RGMA: variants seen among roughly 807,000 people sequenced by gnomAD.
RGMA encodes the protein repulsive guidance molecule A.
Under a neutral mutation model 23.2 loss-of-function variants are expected in RGMA, and 10 were observed. The observed-to-expected ratio is 0.43, with a 90% CI of 0.27 to 0.73. The LOEUF (loss-of-function observed/expected upper bound fraction) is 0.73. RGMA is among the 30% of genes least tolerant of loss of function. The pLI, the probability that RGMA is intolerant of heterozygous loss-of-function variation, is 0.20. For missense variants in RGMA, 547 were observed against 630.5 expected (o/e 0.87, Z 1.42); for synonymous variants, 308 against 279.3 (o/e 1.10, Z -1.03).
chr15:93,079,714 G>A (rs1307757889), intron 1 of RGMA, among the ~76,000 whole-genome samples: 3 of 152,118 alleles, frequency 2.0e-5, no homozygotes, highest in Admixed American at 1.3e-4. Flanking sequence ...CAGCTACTTC[G>A]GAGGCTGAGG....
intron 2 of RGMA, among the ~76,000 whole-genome samples, chr15:93,060,540 G>A (rs949563472): frequency 1.5e-4 from 23 of 152,340 alleles, no homozygotes; most frequent in Admixed American, 3.9e-4. Context: ...CAGACCCGAT[G>A]GGGGCGGGGT....
chr15:93,073,352 A>G (rs2141841903), intron 1 of RGMA, among the ~76,000 whole-genome samples: 1 of 151,994 alleles, frequency 6.6e-6, no homozygotes, highest in South Asian at 2.1e-4. Flanking sequence ...GCTCGCCGTG[A>G]GGACCTCGGA....
Position 93,080,026 on chromosome 15 carries a change from G to C in RGMA, c.15-6995C>G, listed in dbSNP as rs1166673542. 2.0e-5 allele frequency among the ~76,000 whole-genome samples: 3 copies of C among 152,068 alleles called. No individual in the cohort carries two copies. In the East Asian group the frequency reaches 5.8e-4, roughly 29 times the overall value. ...TTTGATGCTCCTTCCCTCACCACCAGAGACTCTTATTCTTGGTAATTAAGA... is the reference window on the plus strand; with the variant it reads ...TTTGATGCTCCTTCCCTCACCACCACAGACTCTTATTCTTGGTAATTAAGA... On this transcript the variant is annotated intron_variant, in intron 1 of 3. Coordinates refer to ENST00000329082, the MANE Select transcript of RGMA (RefSeq NM_020211.3).
chr15:93,055,501 C>G (rs992141956), intron 2 of RGMA, among the ~76,000 whole-genome samples: 6 of 152,226 alleles, frequency 3.9e-5, no homozygotes, highest in African/African-American at 1.4e-4. Flanking sequence ...ACTTCTTGCC[C>G]AAGTCTCACT....
At chr15:93,070,848 G>C (rs989957316) in intron 2 of RGMA, among the ~76,000 whole-genome samples, 1 of 152,224 alleles carries the variant, frequency 6.6e-6, no homozygotes, top group African/African-American at 2.4e-5. Flanking sequence ...CAAAAGTGAT[G>C]GAATTTGGGC....
chr15:93,084,471 T>A (rs764290595), intron 1 of RGMA, among the ~76,000 whole-genome samples: 1 of 151,952 alleles, frequency 6.6e-6, no homozygotes, highest in Non-Finnish European at 1.5e-5. Context: ...TTTTTGTTTT[T>A]TTGTTTTTTG....
At chr15:93,047,947 G>C (rs1239150872) in intron 3 of RGMA, among the ~76,000 whole-genome samples, 1 of 152,204 alleles carries the variant, frequency 6.6e-6, no homozygotes, top group African/African-American at 2.4e-5. Flanking sequence ...TCGCAGGAAG[G>C]TGGAAGGTGG....
intron 1 of RGMA, among the ~76,000 whole-genome samples, chr15:93,084,637 C>G (rs759734778): frequency 6.6e-6 from 1 of 152,030 alleles, no homozygotes; most frequent in Non-Finnish European, 1.5e-5. Context: ...CACACCCGGC[C>G]AGTTTTTACA....
rs766334379 is a variant in RGMA at position 93,045,391 on chromosome 15, G to A, written c.960C>T (p.Pro320=). ...QGLYLCLRGC[P]LNQQIDFQAF... is the part of the protein sequence containing the mutation. ...CCTGGAAGTCGATCTGCTGGTTGAG[G>A]GGGCAGCCCCGCAGGCAGAGGTAGA... Residue 320 remains proline, a synonymous_variant, in exon 4 of 4, where the codon CCC becomes CCT. Transcript: ENST00000329082. The surrounding 1 kb of genome is among the most constrained non-coding windows in gnomAD (Gnocchi z 6.9). 6 of 1,613,070 alleles carry A rather than the reference G, an allele frequency of 3.7e-6. No individual in the cohort carries two copies. Among genetic ancestry groups the A allele is most frequent in the Non-Finnish European group, 5.1e-6 (6 of 1,179,850 alleles).
chr15:93,080,976 A>C (rs953987538), intron 1 of RGMA, among the ~76,000 whole-genome samples: 1 of 152,138 alleles, frequency 6.6e-6, no homozygotes, highest in African/African-American at 2.4e-5. Flanking sequence ...CAAGTTTGCA[A>C]ATTCTTCTGC....
intron 2 of RGMA, among the ~76,000 whole-genome samples, chr15:93,069,172 C>T (rs529972275): frequency 3.9e-5 from 6 of 152,214 alleles, no homozygotes; most frequent in Admixed American, 1.3e-4. Flanking sequence ...TACAGTGGTG[C>T]GATCTCAGCT....
intron 1 of RGMA, 41 bp from the exon 2 acceptor site, chr15:93,073,072 G>C: frequency 6.6e-7 from 1 of 1,511,710 alleles, no homozygotes; most frequent in Non-Finnish European, 8.9e-7. Context: ...AATAAATCAC[G>C]CTGCGAAGAA....
At chr15:93,047,641 C>T (rs1409861774) in intron 3 of RGMA, among the ~76,000 whole-genome samples, 1 of 152,048 alleles carries the variant, frequency 6.6e-6, no homozygotes, top group Non-Finnish European at 1.5e-5. Flanking sequence ...CAGGGGATCC[C>T]ACCCCAACCT....
At position 93,051,995 on chromosome 15, in the gene RGMA, T is replaced by C. The variant is rs1393404264; in HGVS notation, c.643A>G (p.Lys215Glu). 1.3e-6 allele frequency: 2 copies of C among 1,598,754 alleles called. No individual in the cohort carries two copies. The highest frequency in any genetic ancestry group is 1.1e-5 in the South Asian group (1 of 89,182). The stretch of plus-strand genomic sequence containing the variant: ...TACAGCCGCCCCCTCCCCCTTACCT[T>C]GCTGGTGGCAGTGGCCGCTGAGCCG... ...LPGSAATATS[K>E]LTIIFKNFQE... Residue 215 changes from lysine to glutamate, a missense_variant and splice_region_variant, in exon 3 of 4, where the codon AAG becomes GAG. Lys to Glu is a moderately conservative substitution (Grantham distance 56, BLOSUM62 1). Coordinates refer to ENST00000329082, the MANE Select transcript of RGMA (RefSeq NM_020211.3).
chr15:93,066,373 T>A, intron 2 of RGMA: 1 of 719,478 alleles, frequency 1.4e-6, no homozygotes, highest in South Asian at 1.4e-5. Context: ...AGCACCAGCT[T>A]GTTCGCGTGA....
chr15:93,073,651 GA>G, intron 1 of RGMA: 1 of 1,537,234 alleles, frequency 6.5e-7, no homozygotes, highest in Non-Finnish European at 8.7e-7. Context: ...GCAGGAGGCT[GA>G]AAAACCCACT....
At chr15:93,062,532 A>G (rs1003930397) in intron 2 of RGMA, among the ~76,000 whole-genome samples, 4 of 152,166 alleles carry the variant, frequency 2.6e-5, no homozygotes, top group African/African-American at 4.8e-5. Context: ...TTGGGGCCAG[A>G]CACGGAAACC....
Position 93,039,374 on chromosome 15 carries a change from C to A in RGMA, c.*5624G>T, listed in dbSNP as rs2054697550. ...TCAGCCCCACCTTCTTATTAGACCCCAAAGGCCATCATTTCTTTTCTTAAA... is the reference window on the plus strand; with the variant it reads ...TCAGCCCCACCTTCTTATTAGACCCAAAAGGCCATCATTTCTTTTCTTAAA... On this transcript the variant is annotated 3_prime_UTR_variant, in exon 4 of 4. Coordinates refer to ENST00000329082, the MANE Select transcript of RGMA (RefSeq NM_020211.3). The A allele has an allele frequency of 6.6e-6, 1 of 152,182 alleles. No individual in the cohort carries two copies. Among genetic ancestry groups the A allele is most frequent in the Admixed American group, 6.5e-5 (1 of 15,280 alleles). 9.4% of individuals were successfully genotyped at this position (152,182 alleles called of 1,614,324 possible). A position where few individuals can be genotyped will look rare whatever the true frequency, so the allele number is the denominator to read the frequency against.
At chr15:93,073,118 C>T in intron 1 of RGMA, 87 bp from the exon 2 acceptor site, 27 of 1,351,708 alleles carry the variant, frequency 2.0e-5, no homozygotes, top group Admixed American at 3.0e-5. Flanking sequence ...AGCAGCGAGC[C>T]GGGAGGCTCC....
Sources: allele counts gnomAD v4.1 joint callset (sites outside exome capture counted in the v4.1 genomes callset), GRCh38; gene constraint gnomAD v4.1.1; non-coding constraint Gnocchi (gnomAD v3.1); transcripts MANE v1.5; gene names NCBI Gene and HGNC (gene_info 2026-07-23, HGNC 2026-07-21).